The following ROBO2 variants were observed in gnomAD, a reference collection of about 807,000 sequenced individuals.
The protein encoded by ROBO2 is roundabout homolog 2.
ROBO2 carries 53 observed loss-of-function variants against 160.8 expected under a neutral mutation model. That is an observed-to-expected ratio of 0.33 (90% CI 0.26 to 0.41). ROBO2 has a LOEUF of 0.41. Ranked by LOEUF, ROBO2 falls within the 10% of genes least tolerant of loss-of-function variation. ROBO2 has a pLI of 1.00. For missense variants in ROBO2, 1,577 were observed against 1,722.4 expected (o/e 0.92, Z 1.49); for synonymous variants, 664 against 611.7 (o/e 1.09, Z -1.26).
chr3:77,275,757 A>G (rs150436702), intron 2 of ROBO2, among the ~76,000 whole-genome samples: 395 of 152,290 alleles, frequency 2.6e-3, no homozygotes, highest in African/African-American at 9.0e-3. Context: ...CAAAATTGGC[A>G]TAAGAGTTTC....
rs184438233 is a variant in ROBO2, at chr3:77,564,385, A to G, written c.1683-569A>G. 1.3e-3 allele frequency: 597 copies of G among 450,314 alleles called. 1 individual carries two copies. Among genetic ancestry groups the G allele is most frequent in the Middle Eastern group, 0.013 (38 of 2,994 alleles). The allele number at this position is 450,314 out of a possible 1,614,324, so 27.9% of individuals were successfully genotyped here. A position where few individuals can be genotyped will look rare whatever the true frequency, so the allele number is the denominator to read the frequency against. On this transcript the variant is annotated intron_variant, in intron 11 of 25. Coordinates refer to ENST00000461745, the Ensembl canonical transcript of ROBO2. ...GAGAAATCACAATACTGTATAATGT[A>G]CAATTTTATTAACAATGTAACCAAG...
At chr3:76,673,050 G>A (rs1207974573) in intron 2 of ROBO2, among the ~76,000 whole-genome samples, 4 of 152,046 alleles carry the variant, frequency 2.6e-5, no homozygotes, top group African/African-American at 7.2e-5. Flanking sequence ...AGTAATGGTG[G>A]GGAAATAGCA....
At chr3:76,386,150 GTATGT>G (rs2076870539) in intron 2 of ROBO2, among the ~76,000 whole-genome samples, 1 of 152,044 alleles carries the variant, frequency 6.6e-6, no homozygotes, top group Non-Finnish European at 1.5e-5. Context: ...ATAGTAATAT[GTATGT>G]TATATTGATT....
rs142414664 is a variant in ROBO2 at position 76,923,317 on chromosome 3, C to T, written c.110-174697C>T. 3.3e-3 allele frequency among the ~76,000 whole-genome samples: 509 copies of T among 152,278 alleles called. 1 individual carries two copies. Among genetic ancestry groups the T allele is most frequent in the Middle Eastern group, 6.8e-3 (2 of 294 alleles). Reference sequence around the variant, plus strand: ...AAGATAATGTTCCCTCATAATGTTCCGCTGTGGAAAGCTGATCTCTTTATG... The same window carrying T: ...AAGATAATGTTCCCTCATAATGTTCTGCTGTGGAAAGCTGATCTCTTTATG... On this transcript the variant is annotated intron_variant, in intron 2 of 26. Transcript: ENST00000487694.
chr3:77,220,801 G>A (rs529012513), intron 2 of ROBO2, among the ~76,000 whole-genome samples: 1 of 152,040 alleles, frequency 6.6e-6, no homozygotes, highest in South Asian at 2.1e-4. Flanking sequence ...GTCCTACGCA[G>A]CAAAGTTACC....
chr3:77,000,129 T>C (rs2061260695), intron 2 of ROBO2, among the ~76,000 whole-genome samples: 1 of 152,064 alleles, frequency 6.6e-6, no homozygotes, highest in South Asian at 2.1e-4. Flanking sequence ...CAGGTCCTGA[T>C]TTTGGCCAAA....
chr3:76,876,401 A>G (rs971995322), intron 2 of ROBO2, among the ~76,000 whole-genome samples: 1 of 152,038 alleles, frequency 6.6e-6, no homozygotes, highest in Non-Finnish European at 1.5e-5. Flanking sequence ...AAGGGTGGGC[A>G]TGGTGGCTCA....
At chr3:76,060,293 G>A (rs1336169176) in intron 2 of ROBO2, among the ~76,000 whole-genome samples, 1 of 99,944 alleles carries the variant, frequency 1.0e-5, no homozygotes, top group African/African-American at 5.5e-5. Context: ...CCTGATTTTT[G>A]TGTACATCAG....
At chr3:77,261,785 T>G (rs1580459185) in intron 2 of ROBO2, among the ~76,000 whole-genome samples, 1 of 133,122 alleles carries the variant, frequency 7.5e-6, no homozygotes, top group South Asian at 2.2e-4. Context: ...TTTTTTTTTT[T>G]GTAAGACAGG....
chr3:76,986,212 A>G (rs1016385876), intron 2 of ROBO2, among the ~76,000 whole-genome samples: 2 of 152,206 alleles, frequency 1.3e-5, no homozygotes, highest in Non-Finnish European at 2.9e-5. Context: ...GTCTTGCTAT[A>G]TAGTACGCAT....
intron 2 of ROBO2, among the ~76,000 whole-genome samples, chr3:76,593,631 G>T (rs2086558864): frequency 6.6e-6 from 1 of 151,918 alleles, no homozygotes; most frequent in African/African-American, 2.4e-5. Context: ...TAAATATTTA[G>T]ATATTTTGAT....
At chr3:77,525,091 A>G (rs1002081785) in intron 6 of ROBO2, among the ~76,000 whole-genome samples, 6 of 151,318 alleles carry the variant, frequency 4.0e-5, no homozygotes, top group Non-Finnish European at 8.9e-5. Flanking sequence ...TAATTTTTCT[A>G]TGCACATAAA....
At chr3:77,519,346 A>AT (rs1363591269) in intron 5 of ROBO2, among the ~76,000 whole-genome samples, 8 of 151,142 alleles carry the variant, frequency 5.3e-5, no homozygotes, top group Admixed American at 1.3e-4. Context: ...AAAACTTTTA[A>AT]TTTTTTTTAA....
chr3:77,321,329 C>A (rs1170570680), intron 2 of ROBO2, among the ~76,000 whole-genome samples: 3 of 151,952 alleles, frequency 2.0e-5, no homozygotes, highest in Admixed American at 6.6e-5. Flanking sequence ...TCCGCCTGGG[C>A]AACACAGGGA....
At chr3:76,941,487 T>C (rs903254191) in intron 2 of ROBO2, among the ~76,000 whole-genome samples, 1 of 152,162 alleles carries the variant, frequency 6.6e-6, no homozygotes, top group African/African-American at 2.4e-5. Context: ...TTTGCAACTT[T>C]CTCCCTACCT....
chr3:77,289,039 T>C (rs1185541650), intron 2 of ROBO2, among the ~76,000 whole-genome samples: 1 of 152,182 alleles, frequency 6.6e-6, no homozygotes, highest in Non-Finnish European at 1.5e-5. Flanking sequence ...GTGTGTTTGT[T>C]CCTGTTGTGA....
rs563134835 is a variant in ROBO2, at chr3:76,894,942, G to A, written c.110-203072G>A. Reference sequence around the variant, plus strand: ...ATTTTCTTTTAAGTAACACAGTTTGGTTTTTTTCCTTTCAGAAAATATATT... The same window carrying A: ...ATTTTCTTTTAAGTAACACAGTTTGATTTTTTTCCTTTCAGAAAATATATT... On this transcript the variant is annotated intron_variant, in intron 2 of 26. Coordinates refer to the ROBO2 transcript ENST00000487694. 2.0e-5 allele frequency among the ~76,000 whole-genome samples: 3 copies of A among 152,008 alleles called. 1 individual carries two copies. In the East Asian group the frequency reaches 5.8e-4, roughly 29 times the overall value.
chr3:77,464,876 G>A (rs936706097), intron 2 of ROBO2, among the ~76,000 whole-genome samples: 1 of 152,078 alleles, frequency 6.6e-6, no homozygotes, highest in Non-Finnish European at 1.5e-5. Flanking sequence ...CTAAAGCAAA[G>A]GTCTTTCCTT....
intron 2 of ROBO2, among the ~76,000 whole-genome samples, chr3:76,292,909 T>C (rs1470343567): frequency 6.6e-6 from 1 of 152,052 alleles, no homozygotes; most frequent in African/African-American, 2.4e-5. Flanking sequence ...ACCATGCCGA[T>C]TGTAATTATT....
Sources: gnomAD v4.1 joint callset for allele counts (sites outside exome capture counted in the v4.1 genomes callset) on GRCh38, gnomAD v4.1.1 for gene constraint, MANE v1.5 for transcripts, NCBI Gene and HGNC (gene_info 2026-07-23, HGNC 2026-07-21) for gene names.